The following PI4KA variants were observed in gnomAD, a reference collection of about 807,000 sequenced individuals.
PI4KA encodes phosphatidylinositol 4-kinase alpha.
A neutral mutation model predicts 271.4 loss-of-function variants in PI4KA; 122 were observed. The ratio of observed to expected loss-of-function variants is 0.45; its 90% CI spans 0.39 to 0.52. The LOEUF (loss-of-function observed/expected upper bound fraction) is 0.52. PI4KA is among the 20% of genes least tolerant of loss of function. PI4KA has a pLI of 0.00. For synonymous variants in PI4KA, 1,041 were observed against 1,078.8 expected, an observed-to-expected ratio of 0.96 and a Z score of 0.69; for missense variants, 1,969 against 2,769.1, an observed-to-expected ratio of 0.71 and a Z score of 6.48.
chr22:20,815,605 C>A (rs367752312), intron 7 of PI4KA, among the ~76,000 whole-genome samples: 320 of 152,218 alleles, frequency 2.1e-3, no homozygotes, highest in African/African-American at 7.7e-3. Flanking sequence ...GCCAATCTGT[C>A]TAAAGAGGAC....
intron 3 of PI4KA, among the ~76,000 whole-genome samples, chr22:20,826,657 C>T (rs929935772): frequency 1.3e-5 from 2 of 152,220 alleles, no homozygotes; most frequent in African/African-American, 4.8e-5. Flanking sequence ...AACTAATTTA[C>T]ATTCACACCA....
intron 36 of PI4KA, among the ~76,000 whole-genome samples, chr22:20,730,553 G>A (rs1927906336): frequency 6.6e-6 from 1 of 150,900 alleles, no homozygotes; most frequent in African/African-American, 2.4e-5. Context: ...AGGATTACAG[G>A]AGTGAGCCAC....
At chr22:20,751,157 G>C in intron 27 of PI4KA, 136 bp downstream of exon 27, 1 of 675,188 alleles carries the variant, frequency 1.5e-6, no homozygotes, top group Admixed American at 2.8e-5. Flanking sequence ...CTCCTCACTG[G>C]GGGATGGGGC....
chr22:20,752,946 T>A lies in PI4KA; in HGVS notation c.2944A>T (p.Ile982Leu). Residue 982 changes from isoleucine to leucine, a missense_variant, in exon 25 of 55, where the codon ATA (isoleucine) becomes TTA (leucine). This residue lies in a region of PI4KA where 368 missense variants were observed against 544.3 expected (regional missense o/e 0.68). Coordinates refer to ENST00000255882, the MANE Select transcript of PI4KA (RefSeq NM_058004.4). ...AGATACTTGTCTGCCACCCTCCTTA[T>A]CCTCTTGTGGATGTGGTTGAAGTTC... The part of the protein sequence containing the change: ...LVNFNHIHKR[I>L]RRVADKYLSG... The A allele has an allele frequency of 6.2e-7, 1 of 1,614,206 alleles. No individual in the cohort carries two copies. The highest frequency in any genetic ancestry group is 8.5e-7 in the Non-Finnish European group (1 of 1,180,016).
chr22:20,796,587 A>G lies in PI4KA; in HGVS notation c.2109-273T>C, dbSNP rs376794276. ...ACCTCCAGGAGACTAAGTTCTAGGC[A>G]TCTGCAACACTGGGTACCTGTGAGG... On this transcript the variant is annotated intron_variant, in intron 17 of 54. Coordinates refer to ENST00000255882, the MANE Select transcript of PI4KA (RefSeq NM_058004.4). Among the ~76,000 whole-genome samples the G allele has an allele frequency of 1.1e-4, 16 of 152,378 alleles. No homozygotes were observed. The South Asian group carries it at 2.9e-3, about 28-fold the overall frequency.
chr22:20,779,728 G>A (rs745527833), intron 19 of PI4KA: 22 of 1,614,184 alleles, frequency 1.4e-5, no homozygotes, highest in East Asian at 6.7e-5. Flanking sequence ...AACCTCTACC[G>A]AGTGCTGAAA....
intron 52 of PI4KA, chr22:20,710,199 C>T (rs1335912109): frequency 4.3e-5 from 27 of 635,274 alleles, no homozygotes; most frequent in South Asian, 1.1e-4. Context: ...GGGCTGCCCA[C>T]ACGCACTCTG....
intron 10 of PI4KA, among the ~76,000 whole-genome samples, chr22:20,806,577 C>G (rs926890640): frequency 6.6e-6 from 1 of 151,308 alleles, no homozygotes; most frequent in Non-Finnish European, 1.5e-5. Flanking sequence ...GGCTGAGGCA[C>G]GAGAGAATTG....
rs886192073 is a variant in PI4KA, at chr22:20,759,402, C to CTTT, written c.2791+1899_2791+1901dup. ...TTGATTTTTCTTTTTCTTTTCTTTT[C>CTTT]TTTTTTTTTTTTTTTTTTTTTGAGA... On this transcript the variant is annotated intron_variant, in intron 23 of 54. Transcript: ENST00000255882. 1.4e-3 allele frequency among the ~76,000 whole-genome samples: 146 copies of CTTT among 102,870 alleles called. 1 individual carries two copies. Among genetic ancestry groups the CTTT allele is most frequent in the South Asian group, 2.1e-3 (6 of 2,898 alleles). 67.5% of individuals were successfully genotyped at this position (102,870 alleles called of 152,430 possible). A position where few individuals can be genotyped will look rare whatever the true frequency, so the allele number is the denominator to read the frequency against.
intron 23 of PI4KA, among the ~76,000 whole-genome samples, chr22:20,758,158 G>C (rs1357955744): frequency 1.3e-5 from 2 of 151,952 alleles, no homozygotes; most frequent in Admixed American, 6.6e-5. Flanking sequence ...GAGGTCAGGA[G>C]ATCGAGACCA....
At chr22:20,794,524 C>T (rs1384805934) in intron 18 of PI4KA, among the ~76,000 whole-genome samples, 2 of 152,130 alleles carry the variant, frequency 1.3e-5, no homozygotes, top group Admixed American at 6.5e-5. Flanking sequence ...TCGGAGGGCC[C>T]GGCATAGCAA....
chr22:20,831,871 G>T (rs1395046586), intron 3 of PI4KA, among the ~76,000 whole-genome samples: 1 of 152,054 alleles, frequency 6.6e-6, no homozygotes, highest in East Asian at 1.9e-4. Context: ...GGCCTCTCTA[G>T]TGAGATTGGG....
intron 8 of PI4KA, 76 bp from the exon 9 acceptor site, chr22:20,811,108 C>G (rs747396654): frequency 3.8e-6 from 4 of 1,053,286 alleles, no homozygotes; most frequent in Non-Finnish European, 6.0e-6. Context: ...TACCGAAAAC[C>G]CATGACAAAC....
At chr22:20,753,566 T>C (rs1340895528) in intron 23 of PI4KA, among the ~76,000 whole-genome samples, 1 of 152,248 alleles carries the variant, frequency 6.6e-6, no homozygotes, top group Non-Finnish European at 1.5e-5. Context: ...TTTGACACTT[T>C]TGAAGAACAG....
chr22:20,844,078 T>C lies in PI4KA; in HGVS notation c.157-5347A>G, dbSNP rs542588233. Among the ~76,000 whole-genome samples the C allele has an allele frequency of 4.6e-5, 7 of 151,498 alleles. No individual in the cohort carries two copies. In the East Asian group the frequency reaches 1.4e-3, roughly 31 times the overall value. Reference sequence around the variant, plus strand: ...CATTTTCCAGACCCCAGCAACTTGATGTAATATCTCCCATCATATCTCTCA... The same window carrying C: ...CATTTTCCAGACCCCAGCAACTTGACGTAATATCTCCCATCATATCTCTCA... On this transcript the variant is annotated intron_variant, in intron 1 of 54. Coordinates refer to ENST00000255882, the MANE Select transcript of PI4KA (RefSeq NM_058004.4).
chr22:20,850,652 T>A (rs1399452210), intron 1 of PI4KA, among the ~76,000 whole-genome samples: 3 of 151,864 alleles, frequency 2.0e-5, no homozygotes, highest in Non-Finnish European at 4.4e-5. Context: ...TTAGCCAGGA[T>A]GGTCTGGATT....
intron 45 of PI4KA, among the ~76,000 whole-genome samples, chr22:20,717,044 G>A (rs1279732356): frequency 6.6e-6 from 1 of 152,120 alleles, no homozygotes; most frequent in Non-Finnish European, 1.5e-5. Flanking sequence ...AGGAGATTGA[G>A]GCCATCCTGG....
chr22:20,780,554 G>A (rs934190402), intron 19 of PI4KA, among the ~76,000 whole-genome samples: 2 of 152,054 alleles, frequency 1.3e-5, no homozygotes, highest in Admixed American at 6.6e-5. Flanking sequence ...GATCACTTGA[G>A]GTCAGGAGTT....
chr22:20,858,804 G>A lies in PI4KA; in HGVS notation c.-79C>T. 3 of 1,362,030 alleles carry A rather than the reference G, an allele frequency of 2.2e-6. No individual in the cohort carries two copies. The highest frequency in any genetic ancestry group is 2.8e-6 in the Non-Finnish European group (3 of 1,057,100). The allele number at this position is 1,362,030 out of a possible 1,614,324, so 84.4% of individuals were successfully genotyped here. On this transcript the variant is annotated 5_prime_UTR_variant, in exon 1 of 55. Coordinates refer to ENST00000255882, the MANE Select transcript of PI4KA (RefSeq NM_058004.4). ...GCCCGACCTCAGGGCGCAGGCGTAGGTGCATCCGGCTTTCCCGCCACGTGA... is the reference window on the plus strand; with the variant it reads ...GCCCGACCTCAGGGCGCAGGCGTAGATGCATCCGGCTTTCCCGCCACGTGA...
Sources: allele counts gnomAD v4.1 joint callset (sites outside exome capture counted in the v4.1 genomes callset), GRCh38; gene constraint gnomAD v4.1.1; regional missense constraint gnomAD v4.1.1; transcripts MANE v1.5; gene names NCBI Gene and HGNC (gene_info 2026-07-23, HGNC 2026-07-21).